The following ZPLD1 variants were observed in gnomAD, a reference collection of about 807,000 sequenced individuals.
ZPLD1 encodes the protein zona pellucida-like domain-containing protein 1.
In ZPLD1, 34 loss-of-function variants were observed where a neutral mutation model predicts 47.2. That is an observed-to-expected ratio of 0.72 (90% confidence interval 0.55 to 0.96). The LOEUF (loss-of-function observed/expected upper bound fraction) is 0.96, where lower values mean the gene tolerates loss of function less well. Among genes scored for constraint, ZPLD1 ranks in the 40% least tolerant of loss-of-function variants. The probability of loss-of-function intolerance (pLI) is 0.00; values close to 1 mark genes in which losing one functional copy is unlikely to be tolerated. For missense variants in ZPLD1, 512 were observed against 505.8 expected, an observed-to-expected ratio of 1.01 and a Z score of -0.12; for synonymous variants, 176 against 186.2, an observed-to-expected ratio of 0.95 and a Z score of 0.45.
intron 7 of ZPLD1, among the ~76,000 whole-genome samples, chr3:102,400,683 T>C (rs1360761009): frequency 6.6e-6 from 1 of 152,084 alleles, no homozygotes; most frequent in Non-Finnish European, 1.5e-5. Flanking sequence ...TTAATTTATG[T>C]GTCTTGTTTC....
intron 7 of ZPLD1, among the ~76,000 whole-genome samples, chr3:102,401,337 G>T (rs115463237): frequency 6.6e-6 from 1 of 151,932 alleles, no homozygotes; most frequent in Non-Finnish European, 1.5e-5. Context: ...TGATATTTTC[G>T]TCCTCTGGCA....
At chr3:102,395,103 T>G (rs897402035) in intron 7 of ZPLD1, among the ~76,000 whole-genome samples, 1 of 152,022 alleles carries the variant, frequency 6.6e-6, no homozygotes, top group Non-Finnish European at 1.5e-5. Context: ...CCTTCATTGC[T>G]TAAGGTCTAA....
rs556066242 is a variant in ZPLD1 at position 102,469,839 on chromosome 3, TA to T, written c.934-547del. On this transcript the variant is annotated intron_variant, in intron 9 of 11. Transcript: ENST00000466937. ...ATAAAGATCCATTTAAAGTAGTGAATAAAAAAAATTCTATTCTGACCGGCTC... is the reference window on the plus strand; with the variant it reads ...ATAAAGATCCATTTAAAGTAGTGAATAAAAAAATTCTATTCTGACCGGCTC... Among the ~76,000 whole-genome samples, 18 of 152,178 alleles carry T rather than the reference TA, an allele frequency of 1.2e-4. No homozygotes were observed. The East Asian group carries it at 3.5e-3, about 29-fold the overall frequency.
At chr3:102,403,473 G>C (rs1706647377) in intron 7 of ZPLD1, among the ~76,000 whole-genome samples, 1 of 151,972 alleles carries the variant, frequency 6.6e-6, no homozygotes, top group Non-Finnish European at 1.5e-5. Flanking sequence ...AGAATCTTCA[G>C]TCCCATGTTA....
Position 102,470,512 on chromosome 3 carries a change from C to T in ZPLD1, c.1042+10C>T. 1 of 1,609,088 alleles carries T rather than the reference C, an allele frequency of 6.2e-7. No individual in the cohort carries two copies. Among genetic ancestry groups the T allele is most frequent in the East Asian group, 2.2e-5 (1 of 44,828 alleles). Reference sequence around the variant, plus strand: ...ATCATTACTCGGAGTGGTAAGTGTGCTCCTCCTTCTGTATGTAGTAATAGA... The same window carrying T: ...ATCATTACTCGGAGTGGTAAGTGTGTTCCTCCTTCTGTATGTAGTAATAGA... On this transcript the variant is annotated intron_variant, in intron 10 of 11. Coordinates refer to ENST00000466937, the MANE Select transcript of ZPLD1 (RefSeq NM_001329788.2).
chr3:102,425,768 T>A (rs1270703955), intron 8 of ZPLD1, among the ~76,000 whole-genome samples: 1 of 151,904 alleles, frequency 6.6e-6, no homozygotes, highest in Non-Finnish European at 1.5e-5. Flanking sequence ...TAAGTAATAA[T>A]TTTCCTTCCT....
At chr3:102,396,298 C>T (rs1277701147) in intron 7 of ZPLD1, among the ~76,000 whole-genome samples, 2 of 152,144 alleles carry the variant, frequency 1.3e-5, no homozygotes, top group Admixed American at 6.5e-5. Flanking sequence ...CAAGCTGCTT[C>T]ATAGGCCTCA....
At chr3:102,421,645 A>G (rs563154156) in intron 8 of ZPLD1, among the ~76,000 whole-genome samples, 1 of 151,948 alleles carries the variant, frequency 6.6e-6, no homozygotes, top group Non-Finnish European at 1.5e-5. Context: ...CTGTCAGTGA[A>G]GTGAAAAGGA....
At chr3:102,454,339 AG>A (rs1707381036) in intron 4 of ZPLD1, among the ~76,000 whole-genome samples, 1 of 152,102 alleles carries the variant, frequency 6.6e-6, no homozygotes, top group African/African-American at 2.4e-5. Context: ...AGAGTGATGC[AG>A]GTTGATTATT....
At chr3:102,476,295 C>T (rs1034621419) in intron 10 of ZPLD1, among the ~76,000 whole-genome samples, 2 of 152,068 alleles carry the variant, frequency 1.3e-5, no homozygotes, top group Non-Finnish European at 2.9e-5. Context: ...AATATGAGCT[C>T]GTACAAGCTC....
At position 102,478,813 on chromosome 3, in the gene ZPLD1, T is replaced by G. The variant is rs1255859067; in HGVS notation, c.*1195T>G. The G allele has an allele frequency of 2.0e-5, 3 of 152,218 alleles. No homozygotes were observed. 9.4% of individuals were successfully genotyped at this position (152,218 alleles called of 1,614,324 possible). On this transcript the variant is annotated 3_prime_UTR_variant, in exon 12 of 12. Coordinates refer to ENST00000466937, the MANE Select transcript of ZPLD1 (RefSeq NM_001329788.2). ...ACATTCTCTTTGTTTAAGCTACCTATGCACTGAACAAACAAAACAATTTAA... is the reference window on the plus strand; with the variant it reads ...ACATTCTCTTTGTTTAAGCTACCTAGGCACTGAACAAACAAAACAATTTAA...
At chr3:102,397,921 T>C (rs1208884244) in intron 7 of ZPLD1, among the ~76,000 whole-genome samples, 1 of 152,194 alleles carries the variant, frequency 6.6e-6, no homozygotes, top group Non-Finnish European at 1.5e-5. Context: ...GCAAAACCTT[T>C]ACTTGTTCTA....
In ZPLD1 at chr3:102,452,969, A is replaced by C; in HGVS notation, c.157A>C (p.Ile53Leu). Residue 53 changes from isoleucine to leucine, a missense_variant, in exon 4 of 12, where the codon ATT becomes CTT. By Grantham distance (5) the Ile-to-Leu change is conservative. Coordinates refer to ENST00000466937, the MANE Select transcript of ZPLD1 (RefSeq NM_001329788.2). ...YCGVQAITMK[I>L]NFCTVLFSGY... ...TGGAGTGCAGGCTATTACGATGAAG[A>C]TTAATTTTTGCACGGTACTTTTCTC... The C allele has an allele frequency of 5.6e-6, 9 of 1,614,126 alleles. No homozygotes were observed. The highest frequency in any genetic ancestry group is 7.6e-6 in the Non-Finnish European group (9 of 1,179,954).
At chr3:102,388,317 G>C (rs1311993559) in intron 6 of ZPLD1, among the ~76,000 whole-genome samples, 1 of 151,806 alleles carries the variant, frequency 6.6e-6, no homozygotes, top group African/African-American at 2.4e-5. Context: ...TCTCATATTT[G>C]TAATTTTTGG....
At chr3:102,456,144 A>T in intron 4 of ZPLD1, 49 bp from the exon 5 acceptor site, 4 of 1,501,434 alleles carry the variant, frequency 2.7e-6, no homozygotes, top group Non-Finnish European at 3.6e-6. Context: ...AAGTGCCTAG[A>T]TGTATATATA....
At chr3:102,458,482 A>G (rs1051976886) in intron 6 of ZPLD1, among the ~76,000 whole-genome samples, 4 of 152,232 alleles carry the variant, frequency 2.6e-5, no homozygotes, top group Admixed American at 6.5e-5. Context: ...TTATTCATAC[A>G]TTTTAAATGC....
intron 7 of ZPLD1, among the ~76,000 whole-genome samples, chr3:102,393,102 G>A (rs1458720157): frequency 6.6e-6 from 1 of 152,090 alleles, no homozygotes; most frequent in African/African-American, 2.4e-5. Flanking sequence ...GTATTCATAT[G>A]TAATGTATGT....
intron 7 of ZPLD1, among the ~76,000 whole-genome samples, chr3:102,403,460 G>A (rs1446513515): frequency 1.3e-5 from 2 of 151,912 alleles, no homozygotes; most frequent in African/African-American, 4.8e-5. Context: ...AAGAATCAGT[G>A]GAAGAATCTT....
intron 6 of ZPLD1, among the ~76,000 whole-genome samples, chr3:102,391,567 A>C (rs1706495728): frequency 6.6e-6 from 1 of 152,080 alleles, no homozygotes; most frequent in Non-Finnish European, 1.5e-5. Context: ...GTTATAAGGA[A>C]GCCAAAGCAA....
Sources: gnomAD v4.1 joint callset for allele counts (sites outside exome capture counted in the v4.1 genomes callset) on GRCh38, gnomAD v4.1.1 for gene constraint, MANE v1.5 for transcripts, NCBI Gene and HGNC (gene_info 2026-07-23, HGNC 2026-07-21) for gene names.